MAML3: variants seen among roughly 807,000 people sequenced by gnomAD.
MAML3 encodes the protein mastermind like transcriptional coactivator 3, also known as mastermind-like protein 3.
In MAML3, 27 loss-of-function variants were observed where a neutral mutation model predicts 101.9. The ratio of observed to expected loss-of-function variants is 0.27; its 90% CI spans 0.20 to 0.37. MAML3 has a LOEUF of 0.37. Ranked by LOEUF, MAML3 falls within the 10% of genes least tolerant of loss-of-function variation. The pLI is 1.00. For synonymous variants in MAML3, 501 were observed against 555.9 expected, an observed-to-expected ratio of 0.90 and a Z score of 1.39; for missense variants, 1,316 against 1,444.9, an observed-to-expected ratio of 0.91 and a Z score of 1.45.
intron 1 of MAML3, among the ~76,000 whole-genome samples, chr4:140,039,847 T>C (rs888270408): frequency 2.6e-5 from 4 of 152,166 alleles, no homozygotes; most frequent in African/African-American, 9.7e-5. Context: ...TACTCTATTA[T>C]CACCACTATC....
intron 2 of MAML3, among the ~76,000 whole-genome samples, chr4:139,862,034 C>G (rs376690552): frequency 2.2e-4 from 33 of 152,156 alleles, no homozygotes; most frequent in African/African-American, 7.7e-4. Context: ...CATGGTGAAA[C>G]CCTGTCTCTA....
In MAML3 at chr4:139,889,636, G is replaced by C; in HGVS notation, c.1800C>G (p.Gly600=). 1.9e-6 allele frequency: 3 copies of C among 1,613,978 alleles called. No individual in the cohort carries two copies. The highest frequency in any genetic ancestry group is 2.5e-6 in the Non-Finnish European group (3 of 1,179,888). Residue 600 remains glycine (G), a synonymous_variant, in exon 2 of 5, where the codon GGC becomes GGG. Coordinates refer to ENST00000509479, the MANE Select transcript of MAML3 (RefSeq NM_018717.5). ...TGAAGTGGGTCAGGGGTTTAGTGTTGCCATAAGTCAGAATATTGTGCTGTT... is the reference window on the plus strand; with the variant it reads ...TGAAGTGGGTCAGGGGTTTAGTGTTCCCATAAGTCAGAATATTGTGCTGTT... The part of the protein sequence containing the change: ...LNKQHNILTY[G]NTKPLTHFNA...
At chr4:139,793,886 C>A (rs1730464664) in intron 2 of MAML3, among the ~76,000 whole-genome samples, 1 of 152,060 alleles carries the variant, frequency 6.6e-6, no homozygotes, top group Non-Finnish European at 1.5e-5. Flanking sequence ...TATGGTTGTA[C>A]ACTGAGAATA....
chr4:139,928,047 T>G (rs13108986), intron 1 of MAML3, among the ~76,000 whole-genome samples: 50,785 of 152,116 alleles, frequency 0.33, 9,520 homozygotes, highest in East Asian at 0.64. Flanking sequence ...ACAGCTATAT[T>G]TCTGCATCTG....
chr4:139,735,994 G>T lies in MAML3; in HGVS notation c.2080-5327C>A, dbSNP rs1728928085. On this transcript the variant is annotated intron_variant, in intron 2 of 4. Coordinates refer to ENST00000509479, the MANE Select transcript of MAML3 (RefSeq NM_018717.5). This position sits in a 1 kb window ranked among gnomAD's most constrained non-coding sequence, Gnocchi z 5.8. ...CCCCGCCACATCGTGTGTGTTAGTG[G>T]CTGGGAAGGACACGAGGACAGAGAT... is the stretch of plus-strand genomic sequence containing the variant. 6.6e-6 allele frequency among the ~76,000 whole-genome samples: 1 copy of T among 152,186 alleles called. No individual in the cohort carries two copies. The highest frequency in any genetic ancestry group is 6.5e-5 in the Admixed American group (1 of 15,282).
At position 139,756,744 on chromosome 4, in the gene MAML3, C is replaced by T. The variant is rs559186717; in HGVS notation, c.2080-26077G>A. 2.0e-5 allele frequency among the ~76,000 whole-genome samples: 3 copies of T among 152,244 alleles called. 1 individual carries two copies. In the South Asian group the frequency reaches 6.2e-4, roughly 32 times the overall value. On this transcript the variant is annotated intron_variant, in intron 2 of 4. Transcript: ENST00000509479. The stretch of plus-strand genomic sequence containing the variant: ...AGTTAATGTCTGACAGTTTGGCACC[C>T]GTGAAAAGGTTGCTACTTTTGAATG...
intron 2 of MAML3, among the ~76,000 whole-genome samples, chr4:139,765,001 A>T (rs1729831899): frequency 6.6e-6 from 1 of 152,202 alleles, no homozygotes; most frequent in Admixed American, 6.5e-5. Context: ...GTGAATGGTT[A>T]TGAAGTTATC....
chr4:140,048,026 T>C (rs1405230245), intron 1 of MAML3, among the ~76,000 whole-genome samples: 1 of 152,182 alleles, frequency 6.6e-6, no homozygotes, highest in Non-Finnish European at 1.5e-5. Context: ...ACATACTTCC[T>C]TTAAATGTCC....
Position 139,948,840 on chromosome 4 carries a change from T to C in MAML3, c.469-57873A>G, listed in dbSNP as rs550939753. Among the ~76,000 whole-genome samples, 18 of 152,252 alleles carry C rather than the reference T, an allele frequency of 1.2e-4. No homozygotes were observed. In the South Asian group the frequency reaches 3.1e-3, roughly 26 times the overall value. On this transcript the variant is annotated intron_variant, in intron 1 of 4. Transcript: ENST00000509479. ...TGTAAGGTAGAAACTATCATCCCCATTGTACGTGTGAGAAAACCGAGGCAC... is the reference window on the plus strand; with the variant it reads ...TGTAAGGTAGAAACTATCATCCCCACTGTACGTGTGAGAAAACCGAGGCAC...
At chr4:140,103,358 C>T (rs542336866) in intron 1 of MAML3, among the ~76,000 whole-genome samples, 13 of 152,170 alleles carry the variant, frequency 8.5e-5, no homozygotes, top group Non-Finnish European at 1.2e-4. Flanking sequence ...TTATAAAGCA[C>T]AAGCTTTCAA....
intron 1 of MAML3, among the ~76,000 whole-genome samples, chr4:139,922,644 T>C (rs1038319480): frequency 6.6e-6 from 1 of 152,246 alleles, no homozygotes; most frequent in African/African-American, 2.4e-5. Flanking sequence ...GCCTAGGGTT[T>C]CTTTTACTTC....
intron 1 of MAML3, among the ~76,000 whole-genome samples, chr4:139,904,853 T>A (rs1171914336): frequency 6.6e-6 from 1 of 152,212 alleles, no homozygotes; most frequent in South Asian, 2.1e-4. Context: ...CTGAATACTA[T>A]AGGCAACTGT....
At chr4:140,007,460 G>T (rs548423385) in intron 1 of MAML3, among the ~76,000 whole-genome samples, 1 of 152,308 alleles carries the variant, frequency 6.6e-6, no homozygotes, top group East Asian at 1.9e-4. Flanking sequence ...AAGATGAGGC[G>T]AAAGGAGACG....
At chr4:139,787,114 G>A (rs1007371235) in intron 2 of MAML3, among the ~76,000 whole-genome samples, 3 of 152,220 alleles carry the variant, frequency 2.0e-5, no homozygotes, top group African/African-American at 7.2e-5. Context: ...CTTCCCGGCT[G>A]TGAGCAGCAC....
intron 1 of MAML3, among the ~76,000 whole-genome samples, chr4:140,131,666 T>A (rs1214052469): frequency 6.6e-6 from 1 of 152,176 alleles, no homozygotes; most frequent in East Asian, 1.9e-4. Context: ...TCCCTCCCTC[T>A]TCCATCTAGC....
intron 2 of MAML3, among the ~76,000 whole-genome samples, chr4:139,755,278 A>C (rs1729621584): frequency 6.6e-6 from 1 of 152,000 alleles, no homozygotes; most frequent in Non-Finnish European, 1.5e-5. Context: ...TTTGGCTTGG[A>C]CCTCCCACTG....
chr4:139,734,015 G>T (rs1255474392), intron 2 of MAML3, among the ~76,000 whole-genome samples: 1 of 152,190 alleles, frequency 6.6e-6, no homozygotes, highest in Non-Finnish European at 1.5e-5. Context: ...TTAAAGGACT[G>T]CCTTCCATAC....
intron 2 of MAML3, among the ~76,000 whole-genome samples, chr4:139,883,950 G>A (rs1372648231): frequency 1.4e-5 from 2 of 140,030 alleles, no homozygotes; most frequent in Non-Finnish European, 3.0e-5. Context: ...AGTGCAATGG[G>A]CAGTCACTGA....
intron 1 of MAML3, among the ~76,000 whole-genome samples, chr4:140,038,405 A>G (rs1049658238): frequency 1.3e-5 from 2 of 152,248 alleles, no homozygotes; most frequent in African/African-American, 4.8e-5. Flanking sequence ...GCACATCAGT[A>G]TGGAGAGATC....
Sources: gnomAD v4.1 joint callset for allele counts (sites outside exome capture counted in the v4.1 genomes callset) on GRCh38, gnomAD v4.1.1 for gene constraint, Gnocchi (gnomAD v3.1) non-coding constraint, MANE v1.5 for transcripts, NCBI Gene and HGNC (gene_info 2026-07-23, HGNC 2026-07-21) for gene names.